CD1B: variants seen among roughly 807,000 people sequenced by gnomAD.
CD1B encodes T-cell surface glycoprotein CD1b.
In CD1B, 43 loss-of-function variants were observed where a neutral mutation model predicts 39.8. That is an observed-to-expected ratio of 1.08 (90% CI 0.85 to 1.39). The LOEUF (loss-of-function observed/expected upper bound fraction) is 1.39. Among genes scored for constraint, CD1B ranks in the 40% most tolerant of loss-of-function variants. The pLI is 0.00. For synonymous variants in CD1B, 192 were observed against 152.5 expected, an observed-to-expected ratio of 1.26 and a Z score of -1.91; for missense variants, 495 against 403.8, an observed-to-expected ratio of 1.23 and a Z score of -1.94.
chr1:158,320,102 C>T, the CD1B span, among the ~76,000 whole-genome samples: 5 of 152,204 alleles, frequency 3.3e-5, no homozygotes, highest in Admixed American at 3.3e-4. Context: ...GCAGAGGTTA[C>T]AGCTTTTTGT....
At chr1:158,331,099 G>A in intron 1 of CD1B, 37 bp from the exon 2 acceptor site, 2 of 1,557,808 alleles carry the variant, frequency 1.3e-6, no homozygotes, top group Non-Finnish European at 1.7e-6. Context: ...TGAAGATAAA[G>A]AGAGAAGCAG....
the CD1B span, among the ~76,000 whole-genome samples, chr1:158,316,879 T>G: frequency 6.6e-6 from 1 of 152,004 alleles, no homozygotes; most frequent in South Asian, 2.1e-4. Context: ...GGTTGTTGAA[T>G]TTTGTCAAAG....
the CD1B span, chr1:158,293,156 A>G: frequency 7.6e-7 from 1 of 1,311,800 alleles, no homozygotes; most frequent in South Asian, 1.2e-5. Flanking sequence ...CAATAGATGG[A>G]ATAGAATCAG....
chr1:158,299,225 C>G, the CD1B span, among the ~76,000 whole-genome samples: 1 of 152,136 alleles, frequency 6.6e-6, no homozygotes, highest in East Asian at 1.9e-4. Flanking sequence ...TTAGCATGAA[C>G]AGCTGTTGAA....
chr1:158,317,015 A>G, the CD1B span, among the ~76,000 whole-genome samples: 1 of 151,488 alleles, frequency 6.6e-6, no homozygotes, highest in East Asian at 1.9e-4. Flanking sequence ...AGCCCACTTG[A>G]TCATGGTGGA....
the CD1B span, among the ~76,000 whole-genome samples, chr1:158,297,956 A>T: frequency 2.3e-4 from 35 of 151,534 alleles, no homozygotes; most frequent in Middle Eastern, 6.8e-3. Flanking sequence ...AGACAAAAAA[A>T]AAAAAAATAA....
downstream of CD1B, among the ~76,000 whole-genome samples, chr1:158,323,905 G>A (rs367804932): frequency 4.1e-4 from 62 of 152,310 alleles, 3 homozygotes; most frequent in South Asian, 0.013. Context: ...GTCCCCTCAG[G>A]ATCTGCTTTG....
chr1:158,316,682 T>G, the CD1B span, among the ~76,000 whole-genome samples: 1 of 150,938 alleles, frequency 6.6e-6, no homozygotes, highest in African/African-American at 2.5e-5. Context: ...TGGCCAGAAC[T>G]TCCAACACTA....
At chr1:158,292,233 C>G in the CD1B span, 4 of 1,614,094 alleles carry the variant, frequency 2.5e-6, no homozygotes, top group Non-Finnish European at 2.5e-6. Flanking sequence ...AAGTTTGGCC[C>G]AAAGTGTCTG....
At chr1:158,308,881 G>C in the CD1B span, among the ~76,000 whole-genome samples, 20 of 152,078 alleles carry the variant, frequency 1.3e-4, no homozygotes, top group African/African-American at 3.6e-4. Context: ...AAAAACCCTA[G>C]AAGAAAACCT....
downstream of CD1B, among the ~76,000 whole-genome samples, chr1:158,323,631 T>C (rs879896006): frequency 2.2e-4 from 34 of 152,252 alleles, no homozygotes; most frequent in Non-Finnish European, 4.7e-4. Context: ...CCTGTTTTTC[T>C]TCACTGGGCC....
the CD1B span, among the ~76,000 whole-genome samples, chr1:158,309,998 T>G: frequency 1.2e-4 from 17 of 143,206 alleles, no homozygotes; most frequent in Admixed American, 1.2e-3. Flanking sequence ...AAAAAAAGAG[T>G]CTGAACACCC....
chr1:158,299,639 T>A, the CD1B span, among the ~76,000 whole-genome samples: 1 of 152,232 alleles, frequency 6.6e-6, no homozygotes, highest in Non-Finnish European at 1.5e-5. Context: ...GTTGGCAGGC[T>A]ATTAATTATT....
the CD1B span, among the ~76,000 whole-genome samples, chr1:158,297,113 T>TA: frequency 6.6e-6 from 1 of 152,104 alleles, no homozygotes; most frequent in Non-Finnish European, 1.5e-5. Flanking sequence ...TCCTGAGAGA[T>TA]ACTACACTAG....
the CD1B span, among the ~76,000 whole-genome samples, chr1:158,294,555 C>A: frequency 6.6e-6 from 1 of 152,056 alleles, no homozygotes; most frequent in South Asian, 2.1e-4. Flanking sequence ...AAATTTGAAT[C>A]TTTAAGTGTA....
Position 158,331,510 on chromosome 1 carries a change from C to T in CD1B, c.-87G>A, listed in dbSNP as rs1652605242. ...GCTTTTCCTCAGTACCCTGTAGTGA[C>T]TTCTTCTCTCTTCCAACTGCCAAAT... On this transcript the variant is annotated 5_prime_UTR_variant, in exon 1 of 6. Transcript: ENST00000368168. 4.9e-6 allele frequency: 5 copies of T among 1,023,150 alleles called. No individual in the cohort carries two copies. In the East Asian group the frequency reaches 1.0e-4, roughly 21 times the overall value. 63.4% of individuals were successfully genotyped at this position (1,023,150 alleles called of 1,614,324 possible).
chr1:158,330,755 G>A, intron 2 of CD1B, 41 bp downstream of exon 2: 1 of 1,600,760 alleles, frequency 6.2e-7, no homozygotes, highest in Non-Finnish European at 8.6e-7. Context: ...AGAGAAAAGA[G>A]AGTCCTTGAG....
At chr1:158,312,374 G>T in the CD1B span, among the ~76,000 whole-genome samples, 4 of 152,160 alleles carry the variant, frequency 2.6e-5, no homozygotes, top group African/African-American at 7.2e-5. Flanking sequence ...TTTACCTTCT[G>T]CCATGACTGT....
At chr1:158,308,957 C>T in the CD1B span, among the ~76,000 whole-genome samples, 1 of 152,088 alleles carries the variant, frequency 6.6e-6, no homozygotes, top group East Asian at 1.9e-4. Context: ...AAAGCAATGG[C>T]AACAAAAGCC....
Sources: allele counts gnomAD v4.1 joint callset (sites outside exome capture counted in the v4.1 genomes callset), GRCh38; gene constraint gnomAD v4.1.1; transcripts MANE v1.5; gene names NCBI Gene and HGNC (gene_info 2026-07-23, HGNC 2026-07-21).